The following ZNF831 variants were observed in gnomAD, a reference collection of about 807,000 sequenced individuals.
The protein encoded by ZNF831 is chromosome 20 open reading frame 174.
In ZNF831, 59 loss-of-function variants were observed where a neutral mutation model predicts 95.8. That is an observed-to-expected ratio of 0.62 (90% CI 0.50 to 0.77). The LOEUF (loss-of-function observed/expected upper bound fraction) is 0.77. ZNF831 is among the 30% of genes least tolerant of loss of function. ZNF831 has a pLI of 0.00. For synonymous variants in ZNF831, 961 were observed against 925.5 expected (o/e 1.04, Z -0.70); for missense variants, 2,205 against 2,164.0 (o/e 1.02, Z -0.38).
At chr20:59,154,156 G>A (rs1601305141) in intron 2 of ZNF831, among the ~76,000 whole-genome samples, 1 of 152,172 alleles carries the variant, frequency 6.6e-6, no homozygotes, top group Non-Finnish European at 1.5e-5. Context: ...AGTGTCACAG[G>A]GACCCTGCTG....
At chr20:59,127,076 C>T (rs1055039736) in intron 1 of ZNF831, among the ~76,000 whole-genome samples, 13 of 152,096 alleles carry the variant, frequency 8.5e-5, no homozygotes, top group African/African-American at 3.1e-4. Context: ...AGGAGGTTTG[C>T]TTCTTGGGTA....
At chr20:59,179,082 A>C (rs905456663) in intron 1 of ZNF831, among the ~76,000 whole-genome samples, 7 of 151,994 alleles carry the variant, frequency 4.6e-5, no homozygotes, top group Non-Finnish European at 1.0e-4. Context: ...AGTTGTCCCC[A>C]CCCTGGCACA....
chr20:59,221,548 G>A (rs561135509), intron 4 of ZNF831, among the ~76,000 whole-genome samples: 2 of 152,330 alleles, frequency 1.3e-5, no homozygotes, highest in South Asian at 2.1e-4. Flanking sequence ...AGCATTTTGA[G>A]AGTTTCCTCC....
At position 59,194,009 on chromosome 20, in the gene ZNF831, C is replaced by A. The variant is rs2146592805; in HGVS notation, c.2990C>A (p.Ser997Tyr). 1 of 1,529,204 alleles carries A rather than the reference C, an allele frequency of 6.5e-7. No individual in the cohort carries two copies. 94.7% of individuals were successfully genotyped at this position (1,529,204 alleles called of 1,614,324 possible). A position where few individuals can be genotyped will look rare whatever the true frequency, so the allele number is the denominator to read the frequency against. Residue 997 changes from serine (S) to tyrosine (Y), a missense_variant, in exon 2 of 6, where the codon TCC (serine) becomes TAC (tyrosine). Physicochemically the swap from Ser to Tyr is moderately radical, Grantham distance 144. Transcript: ENST00000371030. ...PLSPSPASGP[S>Y]PGEADSILED... ...TCTCCCAGCCCAGCCTCAGGCCCCT[C>A]CCCAGGTGAGGCGGACAGCATCCTG...
At position 59,192,013 on chromosome 20, in the gene ZNF831, C is replaced by G. The variant is rs779773826; in HGVS notation, c.994C>G (p.Pro332Ala). 6.2e-7 allele frequency: 1 copy of G among 1,608,734 alleles called. No homozygotes were observed. Among genetic ancestry groups the G allele is most frequent in the Non-Finnish European group, 8.5e-7 (1 of 1,178,836 alleles). Residue 332 changes from proline to alanine, a missense_variant, in exon 2 of 6, where the codon CCC becomes GCC. By Grantham distance (27) the Pro-to-Ala change is conservative. Coordinates refer to ENST00000371030, the MANE Select transcript of ZNF831 (RefSeq NM_178457.3). This position sits in a 1 kb window ranked among gnomAD's most constrained non-coding sequence, Gnocchi z 5.2. ...AAEKPWDAKA[P>A]EGRLRKCEST... ...GGAGAAGCCCTGGGATGCCAAGGCCCCCGAGGGCCGGCTGCGGAAGTGTGA... is the reference window on the plus strand; with the variant it reads ...GGAGAAGCCCTGGGATGCCAAGGCCGCCGAGGGCCGGCTGCGGAAGTGTGA...
intron 1 of ZNF831, among the ~76,000 whole-genome samples, chr20:59,185,953 T>TTAA (rs1041321255): frequency 4.3e-4 from 65 of 152,242 alleles, no homozygotes; most frequent in African/African-American, 1.5e-3. Flanking sequence ...GACTCAGCAT[T>TTAA]TAAGAGCCAA....
chr20:59,185,080 G>A (rs1002338335), intron 1 of ZNF831, among the ~76,000 whole-genome samples: 70 of 143,204 alleles, frequency 4.9e-4, no homozygotes, highest in Non-Finnish European at 1.2e-4. Context: ...CCCTTCCCTC[G>A]CTCAAAGAGG....
intron 1 of ZNF831, among the ~76,000 whole-genome samples, chr20:59,124,529 C>T (rs940849242): frequency 5.9e-5 from 9 of 152,170 alleles, no homozygotes; most frequent in African/African-American, 9.7e-5. Context: ...CTCTAAACCC[C>T]GGGTTGGGGG....
At chr20:59,161,839 C>G (rs1165442884), upstream of ZNF831, among the ~76,000 whole-genome samples, 1 of 152,202 alleles carries the variant, frequency 6.6e-6, no homozygotes, top group Admixed American at 6.5e-5. Context: ...AATATCCAAA[C>G]TGTTTTCCAC....
At position 59,194,601 on chromosome 20, in the gene ZNF831, G is replaced by A. The variant is rs755636987; in HGVS notation, c.3582G>A (p.Leu1194=). The A allele has an allele frequency of 4.7e-5, 76 of 1,612,284 alleles. No individual in the cohort carries two copies. Among genetic ancestry groups the A allele is most frequent in the Non-Finnish European group, 6.3e-5 (74 of 1,179,258 alleles). Residue 1194 remains leucine, a synonymous_variant, in exon 2 of 6, where the codon CTG becomes CTA. Transcript: ENST00000371030. ...GTTGCCTGAGCCGCAGTGTCCCTCTGCCCGCGGAGCAGAAGGCAAAGGCGG... is the reference window on the plus strand; with the variant it reads ...GTTGCCTGAGCCGCAGTGTCCCTCTACCCGCGGAGCAGAAGGCAAAGGCGG... ...TWCCLSRSVP[L]PAEQKAKAAS...
At chr20:59,229,245 TGTGAATAGC>T (rs896936542) in intron 4 of ZNF831, among the ~76,000 whole-genome samples, 76 of 152,350 alleles carry the variant, frequency 5.0e-4, no homozygotes, top group African/African-American at 1.8e-3. Context: ...TCTTGGCTGT[TGTGAATAGC>T]GTGGCAGTAA....
Position 59,254,788 on chromosome 20 carries a change from C to T in ZNF831, c.*45C>T. 6.4e-7 allele frequency: 1 copy of T among 1,554,878 alleles called. No individual in the cohort carries two copies. Among genetic ancestry groups the T allele is most frequent in the East Asian group, 2.2e-5 (1 of 44,518 alleles). On this transcript the variant is annotated 3_prime_UTR_variant, in exon 6 of 6. Transcript: ENST00000371030. The surrounding 1 kb of genome is among the most constrained non-coding windows in gnomAD (Gnocchi z 4.5). ...TGTCTGGTCAAAAAGACTGTTGACG[C>T]TTCACAAGTAAATGTTGTCAGGCTG...
At chr20:59,202,740 C>T (rs1984620512) in intron 3 of ZNF831, among the ~76,000 whole-genome samples, 1 of 152,108 alleles carries the variant, frequency 6.6e-6, no homozygotes, top group Non-Finnish European at 1.5e-5. Context: ...GAGTCCTGTA[C>T]CCTCAGCTGC....
In ZNF831 at chr20:59,198,190, G is replaced by T. The variant is rs6100364; in HGVS notation, c.3875+2185G>T. ...CAGGAGGCTTGGAGATATCACTCCA[G>T]GACACCTTGCAAACCCACTAGCAGC... On this transcript the variant is annotated intron_variant, in intron 3 of 5. Coordinates refer to ENST00000371030, the MANE Select transcript of ZNF831 (RefSeq NM_178457.3). Among the ~76,000 whole-genome samples, 380 of 152,304 alleles carry T rather than the reference G, an allele frequency of 2.5e-3. 3 individuals carry two copies. Among genetic ancestry groups the T allele is most frequent in the African/African-American group, 8.9e-3 (369 of 41,548 alleles).
chr20:59,245,860 A>G (rs1284684589), intron 4 of ZNF831, among the ~76,000 whole-genome samples: 1 of 152,230 alleles, frequency 6.6e-6, no homozygotes, highest in Non-Finnish European at 1.5e-5. Context: ...AAAAGTGATC[A>G]AAACACGTTC....
chr20:59,163,232 A>T (rs981532290), upstream of ZNF831, among the ~76,000 whole-genome samples: 2 of 152,212 alleles, frequency 1.3e-5, no homozygotes, highest in Non-Finnish European at 2.9e-5. Flanking sequence ...GAATCATATC[A>T]TCAGTGAAGA....
chr20:59,166,125 G>A (rs1018470422), intron 1 of ZNF831, among the ~76,000 whole-genome samples: 1 of 152,128 alleles, frequency 6.6e-6, no homozygotes, highest in Non-Finnish European at 1.5e-5. Context: ...AAATGGTAGT[G>A]ATGTCAATTT....
rs2146560487 is a variant in ZNF831, at chr20:59,192,146, A to G, written c.1127A>G (p.Glu376Gly). Residue 376 changes from glutamate to glycine, a missense_variant, in exon 2 of 6, where the codon GAG becomes GGG. Physicochemically the swap from Glu to Gly is moderately conservative, Grantham distance 98. Coordinates refer to ENST00000371030, the MANE Select transcript of ZNF831 (RefSeq NM_178457.3). This position sits in a 1 kb window ranked among gnomAD's most constrained non-coding sequence, Gnocchi z 5.2. ...GAGCACAGCGCCGAGTCCGAGGGGG[A>G]GGGCGGCCCGGGCCCGGGGCCAGGG... is the stretch of plus-strand genomic sequence containing the variant. Reference protein sequence around the residue: ...LSEHSAESEGEGGPGPGPGVA... With the variant: ...LSEHSAESEGGGGPGPGPGVA... The G allele has an allele frequency of 1.3e-6, 2 of 1,558,730 alleles. No homozygotes were observed. Among genetic ancestry groups the G allele is most frequent in the South Asian group, 1.2e-5 (1 of 83,770 alleles).
rs1274386090 is a variant in ZNF831, at chr20:59,169,690, A to G, written c.-37+5483A>G. 2.0e-5 allele frequency among the ~76,000 whole-genome samples: 3 copies of G among 152,156 alleles called. No homozygotes were observed. The highest frequency in any genetic ancestry group is 7.2e-5 in the African/African-American group (3 of 41,428). On this transcript the variant is annotated intron_variant, in intron 1 of 5. Transcript: ENST00000371030. The surrounding 1 kb of genome is among the most constrained non-coding windows in gnomAD (Gnocchi z 4.1). ...TGAGGCAGGAGGATCAGTTGAGGTC[A>G]GGAGTTTGAGACCAGCCTGGCCAAC... is the stretch of plus-strand genomic sequence containing the variant.
Sources: allele counts gnomAD v4.1 joint callset (sites outside exome capture counted in the v4.1 genomes callset), GRCh38; gene constraint gnomAD v4.1.1; non-coding constraint Gnocchi (gnomAD v3.1); transcripts MANE v1.5; gene names NCBI Gene and HGNC (gene_info 2026-07-23, HGNC 2026-07-21).